FAM53B: variants seen among roughly 807,000 people sequenced by gnomAD.
The protein encoded by FAM53B is family with sequence similarity 53 member B.
A neutral mutation model predicts 32.7 loss-of-function variants in FAM53B; 12 were observed. The observed-to-expected ratio is 0.37, with a 90% CI of 0.24 to 0.59. The LOEUF is 0.59. Ranked by LOEUF, FAM53B falls within the 20% of genes least tolerant of loss-of-function variation. FAM53B has a pLI of 0.72. For missense variants in FAM53B, 477 were observed against 577.7 expected (o/e 0.83, Z 1.79); for synonymous variants, 234 against 228.7 (o/e 1.02, Z -0.21).
In FAM53B at chr10:124,682,177, G is replaced by A. The variant is rs2134068852; in HGVS notation, c.336C>T (p.Arg112=). The part of the protein sequence containing the change: ...NGNPSAPPSK[R]QCRSLSFSDE... The stretch of plus-strand genomic sequence containing the variant: ...CGGAGAAGGACAGTGAGCGGCACTG[G>A]CGCTTGCTAGGGGGTGCTGAGGGGT... Residue 112 remains arginine (R), a synonymous_variant, in exon 4 of 5, where the codon CGC becomes CGT. Transcript: ENST00000337318. The surrounding 1 kb of genome is among the most constrained non-coding windows in gnomAD (Gnocchi z 5.2). 6.2e-7 allele frequency: 1 copy of A among 1,613,724 alleles called. No individual in the cohort carries two copies. The highest frequency in any genetic ancestry group is 1.7e-5 in the Admixed American group (1 of 59,976).
chr10:124,735,493 G>C (rs563561259), intron 1 of FAM53B, among the ~76,000 whole-genome samples: 1 of 152,168 alleles, frequency 6.6e-6, no homozygotes, highest in Non-Finnish European at 1.5e-5. Context: ...AAAACCCTAC[G>C]CTATCTGAGA....
At chr10:124,658,521 A>G (rs191365926) in intron 4 of FAM53B, among the ~76,000 whole-genome samples, 6 of 152,360 alleles carry the variant, frequency 3.9e-5, no homozygotes, top group Non-Finnish European at 8.8e-5. Context: ...AGACACAAGC[A>G]TATTCAGACC....
At chr10:124,667,397 G>A (rs756316764) in intron 4 of FAM53B, 3 of 770,016 alleles carry the variant, frequency 3.9e-6, no homozygotes, top group East Asian at 2.4e-5. Context: ...AATGGATAAC[G>A]ATGTGCCTTC....
chr10:124,739,100 G>A (rs547467934), intron 1 of FAM53B, among the ~76,000 whole-genome samples: 82 of 150,232 alleles, frequency 5.5e-4, no homozygotes, highest in African/African-American at 1.8e-3. Flanking sequence ...GGGAGAGGAG[G>A]GGAAAAGGCA....
At chr10:124,727,330 T>TGGGGGGGGGG (rs35254075) in intron 1 of FAM53B, among the ~76,000 whole-genome samples, 2 of 89,180 alleles carry the variant, frequency 2.2e-5, no homozygotes, top group African/African-American at 9.7e-5. Flanking sequence ...TGAGTGATTG[T>TGGGGGGGGGG]GGGGGGGGGG....
At chr10:124,645,053 TG>T (rs1307165144) in intron 4 of FAM53B, among the ~76,000 whole-genome samples, 2 of 152,148 alleles carry the variant, frequency 1.3e-5, no homozygotes, top group African/African-American at 4.8e-5. Context: ...GAGGTCACCT[TG>T]GGGACCGCAG....
intron 4 of FAM53B, among the ~76,000 whole-genome samples, chr10:124,625,744 G>A (rs913636414): frequency 1.3e-5 from 2 of 152,238 alleles, no homozygotes; most frequent in Non-Finnish European, 2.9e-5. Flanking sequence ...CAGGACAGAA[G>A]GAGAACTGAG....
At chr10:124,696,044 G>T in intron 3 of FAM53B, 114 bp downstream of exon 3, 1 of 851,578 alleles carries the variant, frequency 1.2e-6, no homozygotes, top group Non-Finnish European at 2.0e-6. Context: ...GAGTCCCGGG[G>T]CTGCTCTTTT....
chr10:124,662,780 C>T (rs543846837), intron 4 of FAM53B, among the ~76,000 whole-genome samples: 1 of 152,326 alleles, frequency 6.6e-6, no homozygotes, highest in East Asian at 1.9e-4. Flanking sequence ...GCTACGATCA[C>T]ACCACAGTAC....
chr10:124,730,908 G>A (rs554245574), intron 1 of FAM53B, among the ~76,000 whole-genome samples: 1 of 152,274 alleles, frequency 6.6e-6, no homozygotes, highest in Admixed American at 6.5e-5. Flanking sequence ...AGACCCTGTG[G>A]TCTATAAATT....
intron 3 of FAM53B, among the ~76,000 whole-genome samples, chr10:124,686,109 C>T (rs1193120121): frequency 6.6e-6 from 1 of 152,168 alleles, no homozygotes; most frequent in Admixed American, 6.5e-5. Flanking sequence ...TACAACTCCT[C>T]CCCCCAGCTT....
At chr10:124,723,894 T>C (rs1195552133) in intron 1 of FAM53B, among the ~76,000 whole-genome samples, 1 of 152,248 alleles carries the variant, frequency 6.6e-6, no homozygotes, top group African/African-American at 2.4e-5. Flanking sequence ...TCTAGGTGAC[T>C]GTAGTTGAAC....
chr10:124,646,365 T>C (rs763325137), intron 4 of FAM53B, among the ~76,000 whole-genome samples: 1 of 152,178 alleles, frequency 6.6e-6, no homozygotes, highest in African/African-American at 2.4e-5. Flanking sequence ...GGCTCAAACA[T>C]CTTCCCCAGG....
At chr10:124,626,271 C>T (rs188763388) in intron 4 of FAM53B, among the ~76,000 whole-genome samples, 1 of 152,276 alleles carries the variant, frequency 6.6e-6, no homozygotes, top group Non-Finnish European at 1.5e-5. Flanking sequence ...CGGTCCTGCT[C>T]GGAGCTTCCC....
In FAM53B at chr10:124,620,356, C is replaced by CACCG. The variant is rs1369103679; in HGVS notation, c.*2885_*2886insCGGT. 1.1e-5 allele frequency: 1 copy of CACCG among 93,960 alleles called. No homozygotes were observed. Among genetic ancestry groups the CACCG allele is most frequent in the African/African-American group, 4.7e-5 (1 of 21,450 alleles). The allele number at this position is 93,960 out of a possible 1,614,324, so 5.8% of individuals were successfully genotyped here. A position where few individuals can be genotyped will look rare whatever the true frequency, so the allele number is the denominator to read the frequency against. On this transcript the variant is annotated 3_prime_UTR_variant, in exon 5 of 5. Transcript: ENST00000337318. ...TGAGTGGGGTGCATGTGGCACTAAG[C>CACCG]CCCCCCCACCGCCCCGGCTTTCCTG...
intron 4 of FAM53B, among the ~76,000 whole-genome samples, chr10:124,638,375 A>AAAAC (rs72495875): frequency 9.8e-6 from 1 of 102,200 alleles, no homozygotes; most frequent in Non-Finnish European, 2.1e-5. Flanking sequence ...CTCCACCTCA[A>AAAAC]AAACAAAACA....
chr10:124,744,018 G>C lies in FAM53B; in HGVS notation c.-180C>G, dbSNP rs1430538027. The C allele has an allele frequency of 6.8e-6, 1 of 147,886 alleles. No homozygotes were observed. The highest frequency in any genetic ancestry group is 2.4e-5 in the African/African-American group (1 of 40,972). 9.2% of individuals were successfully genotyped at this position (147,886 alleles called of 1,614,324 possible). On this transcript the variant is annotated 5_prime_UTR_variant, in exon 1 of 5. Transcript: ENST00000337318. ...CCCGGCCCCGGGTCGCTTACTGTGCGCGGCGGGGCGCTCCGGGCGCGGACC... is the reference window on the plus strand; with the variant it reads ...CCCGGCCCCGGGTCGCTTACTGTGCCCGGCGGGGCGCTCCGGGCGCGGACC...
chr10:124,688,667 G>A (rs772432032), intron 3 of FAM53B, among the ~76,000 whole-genome samples: 1 of 152,130 alleles, frequency 6.6e-6, no homozygotes, highest in Non-Finnish European at 1.5e-5. Context: ...TCCCAAATTC[G>A]CACTCACAAG....
intron 4 of FAM53B, among the ~76,000 whole-genome samples, chr10:124,657,165 T>TATAC (rs777325822): frequency 3.0e-5 from 4 of 133,582 alleles, no homozygotes; most frequent in East Asian, 4.4e-4. Context: ...TATGTGTGTA[T>TATAC]ATATATATGT....
Sources: gnomAD v4.1 joint callset for allele counts (sites outside exome capture counted in the v4.1 genomes callset) on GRCh38, gnomAD v4.1.1 for gene constraint, Gnocchi (gnomAD v3.1) non-coding constraint, MANE v1.5 for transcripts, NCBI Gene and HGNC (gene_info 2026-07-23, HGNC 2026-07-21) for gene names.